The following CEP112 variants were observed in gnomAD, a reference collection of about 807,000 sequenced individuals.
The protein encoded by CEP112 is centrosomal protein of 112 kDa.
Under a neutral mutation model 153.0 loss-of-function variants are expected in CEP112, and 127 were observed. The observed-to-expected ratio is 0.83, with a 90% confidence interval of 0.72 to 0.96. CEP112 has a LOEUF of 0.96. CEP112 is among the 40% of genes least tolerant of loss of function. The probability of loss-of-function intolerance (pLI) is 0.00; values close to 1 mark genes in which losing one functional copy is unlikely to be tolerated. For missense variants in CEP112, 1,089 were observed against 1,101.2 expected, an observed-to-expected ratio of 0.99 and a Z score of 0.16; for synonymous variants, 358 against 374.4, an observed-to-expected ratio of 0.96 and a Z score of 0.51.
chr17:65,645,652 T>C (rs2079301), intron 24 of CEP112, among the ~76,000 whole-genome samples: 106,046 of 152,064 alleles, frequency 0.7, 38,521 homozygotes, highest in East Asian at 0.95. Flanking sequence ...AGAGAGATGT[T>C]TAAATGTGTT....
intron 16 of CEP112, among the ~76,000 whole-genome samples, chr17:66,020,848 G>C (rs1254091671): frequency 6.6e-6 from 1 of 152,088 alleles, no homozygotes; most frequent in Non-Finnish European, 1.5e-5. Context: ...GTGGACCAGA[G>C]GCCTTTCCAA....
intron 21 of CEP112, among the ~76,000 whole-genome samples, chr17:65,810,138 T>C (rs1212211243): frequency 6.6e-6 from 1 of 152,082 alleles, no homozygotes; most frequent in African/African-American, 2.4e-5. Context: ...GAAGAGAATA[T>C]AAGGCAGTAG....
chr17:66,130,556 A>T (rs1258182270), intron 5 of CEP112, among the ~76,000 whole-genome samples: 1 of 152,076 alleles, frequency 6.6e-6, no homozygotes, highest in Non-Finnish European at 1.5e-5. Flanking sequence ...CGGGCAGATC[A>T]CGAGGTCAGG....
At chr17:65,767,225 C>G (rs1372926786) in intron 21 of CEP112, among the ~76,000 whole-genome samples, 2 of 151,908 alleles carry the variant, frequency 1.3e-5, no homozygotes, top group African/African-American at 4.8e-5. Context: ...AAATCAATAA[C>G]AGAATTAACT....
At chr17:66,089,805 G>GAT (rs1263542636) in intron 8 of CEP112, among the ~76,000 whole-genome samples, 1 of 152,006 alleles carries the variant, frequency 6.6e-6, no homozygotes, top group Non-Finnish European at 1.5e-5. Context: ...TTGAGGGAAA[G>GAT]ATATATATAT....
At chr17:65,907,740 T>A (rs1037590515) in intron 19 of CEP112, among the ~76,000 whole-genome samples, 2 of 152,180 alleles carry the variant, frequency 1.3e-5, no homozygotes, top group African/African-American at 4.8e-5. Context: ...AAGGTAGATA[T>A]GTAAATAAAA....
intron 12 of CEP112, among the ~76,000 whole-genome samples, chr17:66,050,716 G>A (rs1210509015): frequency 2.0e-5 from 3 of 151,900 alleles, no homozygotes; most frequent in Non-Finnish European, 4.4e-5. Flanking sequence ...CCACTTATCA[G>A]CCCTCTTCCA....
intron 19 of CEP112, among the ~76,000 whole-genome samples, chr17:65,919,212 T>C (rs949872120): frequency 6.6e-6 from 1 of 152,220 alleles, no homozygotes; most frequent in African/African-American, 2.4e-5. Context: ...CAGGAAAGTC[T>C]ATGTTTGTTT....
chr17:66,184,204 G>A (rs2072835699), intron 1 of CEP112, among the ~76,000 whole-genome samples: 1 of 151,996 alleles, frequency 6.6e-6, no homozygotes, highest in African/African-American at 2.4e-5. Flanking sequence ...GGCTGCAGTG[G>A]GCCATGATCG....
chr17:66,025,118 C>A (rs185495838), intron 16 of CEP112, among the ~76,000 whole-genome samples: 222 of 152,078 alleles, frequency 1.5e-3, no homozygotes, highest in African/African-American at 5.1e-3. Flanking sequence ...CCTCTCTCAC[C>A]ATATATAAAA....
At chr17:65,801,953 A>G (rs1484009613) in intron 21 of CEP112, among the ~76,000 whole-genome samples, 2 of 152,114 alleles carry the variant, frequency 1.3e-5, no homozygotes, top group African/African-American at 4.8e-5. Flanking sequence ...GACATTTTCA[A>G]TATTTTAGTA....
intron 21 of CEP112, among the ~76,000 whole-genome samples, chr17:65,764,286 A>G (rs1475931950): frequency 1.3e-5 from 2 of 152,222 alleles, no homozygotes; most frequent in Non-Finnish European, 2.9e-5. Context: ...CTAAAGCACA[A>G]TTCAATGTCA....
intron 21 of CEP112, among the ~76,000 whole-genome samples, chr17:65,768,989 A>T (rs896052216): frequency 2.0e-5 from 3 of 152,158 alleles, no homozygotes; most frequent in African/African-American, 7.2e-5. Flanking sequence ...AAAAAGAAGT[A>T]AAATTATGTC....
rs2060658671 is a variant in CEP112 at position 65,920,360 on chromosome 17, AAAAT to A, written c.1980+7218_1980+7221del. Among the ~76,000 whole-genome samples, 7 of 37,772 alleles carry A rather than the reference AAAAT, an allele frequency of 1.9e-4. 1 individual carries two copies. The highest frequency in any genetic ancestry group is 1.6e-3 in the South Asian group (2 of 1,222). 24.8% of individuals were successfully genotyped at this position (37,772 alleles called of 152,430 possible). A position where few individuals can be genotyped will look rare whatever the true frequency, so the allele number is the denominator to read the frequency against. ...GGACTCTGTCTAAAAACAAACAAAC[AAAAT>A]ATATATATATATATATATATATATA... On this transcript the variant is annotated intron_variant, in intron 19 of 26. Coordinates refer to ENST00000535342, the MANE Select transcript of CEP112 (RefSeq NM_001199165.4).
chr17:66,061,313 C>A (rs1166730105), intron 11 of CEP112, among the ~76,000 whole-genome samples: 1 of 151,852 alleles, frequency 6.6e-6, no homozygotes, highest in Non-Finnish European at 1.5e-5. Context: ...GAAAAGAGAA[C>A]CCTTATATAC....
At chr17:65,771,297 G>A (rs8074158) in intron 21 of CEP112, among the ~76,000 whole-genome samples, 1 of 151,956 alleles carries the variant, frequency 6.6e-6, no homozygotes, top group East Asian at 1.9e-4. Context: ...GATACAGAGG[G>A]GCATTTCACA....
intron 21 of CEP112, among the ~76,000 whole-genome samples, chr17:65,836,385 G>A (rs2057308653): frequency 1.3e-5 from 2 of 152,166 alleles, no homozygotes; most frequent in South Asian, 4.1e-4. Context: ...ACTGTACGCT[G>A]TCTTCAAGAA....
At chr17:65,982,091 T>C (rs975141615) in intron 17 of CEP112, among the ~76,000 whole-genome samples, 29 of 152,108 alleles carry the variant, frequency 1.9e-4, no homozygotes, top group Admixed American at 1.6e-3. Context: ...AGGTACATAA[T>C]AGGTATATAT....
intron 4 of CEP112, among the ~76,000 whole-genome samples, chr17:66,141,345 A>G (rs2070689569): frequency 6.6e-6 from 1 of 150,776 alleles, no homozygotes; most frequent in Non-Finnish European, 1.5e-5. Context: ...TGTCTACTTG[A>G]ATCATATTGA....
Sources: gnomAD v4.1 joint callset for allele counts (sites outside exome capture counted in the v4.1 genomes callset) on GRCh38, gnomAD v4.1.1 for gene constraint, MANE v1.5 for transcripts, NCBI Gene and HGNC (gene_info 2026-07-23, HGNC 2026-07-21) for gene names.